The following TOP6BL variants were observed in gnomAD, a reference collection of about 807,000 sequenced individuals.
TOP6BL encodes the protein TOP6B like initiator of meiotic double strand breaks.
At chr11:66,757,511 G>T in the TOP6BL span, among the ~76,000 whole-genome samples, 1 of 152,126 alleles carries the variant, frequency 6.6e-6, no homozygotes, top group African/African-American at 2.4e-5. Flanking sequence ...AATGTTCTCT[G>T]TCTCCTGTTT....
chr11:66,789,129 A>G, the TOP6BL span, among the ~76,000 whole-genome samples: 3 of 152,160 alleles, frequency 2.0e-5, no homozygotes, highest in African/African-American at 7.2e-5. Context: ...CATTTTTTAG[A>G]TCCCAGGTGA....
At chr11:66,776,831 C>T in the TOP6BL span, among the ~76,000 whole-genome samples, 1 of 152,070 alleles carries the variant, frequency 6.6e-6, no homozygotes, top group Non-Finnish European at 1.5e-5. Flanking sequence ...GGGAGGACCA[C>T]TTGACTCTGG....
At chr11:66,821,637 C>A in the TOP6BL span, 2 of 1,599,560 alleles carry the variant, frequency 1.3e-6, no homozygotes, top group African/African-American at 1.3e-5. Flanking sequence ...TTCTCCCTCC[C>A]CTTAGGAGTC....
the TOP6BL span, among the ~76,000 whole-genome samples, chr11:66,783,099 ACT>A: frequency 2.0e-5 from 3 of 152,202 alleles, no homozygotes; most frequent in Non-Finnish European, 4.4e-5. Context: ...TAATCCCAGC[ACT>A]CTGGGAGGTT....
At chr11:66,748,791 A>G in the TOP6BL span, among the ~76,000 whole-genome samples, 4 of 151,826 alleles carry the variant, frequency 2.6e-5, no homozygotes, top group African/African-American at 7.3e-5. Context: ...TCTTGATTTT[A>G]ATCTACTTTG....
chr11:66,843,429 C>G, the TOP6BL span: 3 of 1,390,496 alleles, frequency 2.2e-6, no homozygotes, highest in Non-Finnish European at 2.8e-6. Flanking sequence ...GACTGCGTCA[C>G]TGGTGCGCGC....
At chr11:66,773,837 A>C in the TOP6BL span, among the ~76,000 whole-genome samples, 1 of 151,946 alleles carries the variant, frequency 6.6e-6, no homozygotes, top group South Asian at 2.1e-4. Flanking sequence ...CCCAGGTTCA[A>C]GCGATTCTCC....
At chr11:66,824,420 T>TTTA in the TOP6BL span, among the ~76,000 whole-genome samples, 11,073 of 140,660 alleles carry the variant, frequency 0.079, 471 homozygotes, top group African/African-American at 0.098. Flanking sequence ...TAATTTTGTA[T>TTTA]TTATTATTAT....
At chr11:66,810,458 G>A in the TOP6BL span, among the ~76,000 whole-genome samples, 1 of 152,178 alleles carries the variant, frequency 6.6e-6, no homozygotes, top group African/African-American at 2.4e-5. Context: ...ATTTTGCCAA[G>A]GTTAAGGATG....
At chr11:66,773,166 C>T in the TOP6BL span, among the ~76,000 whole-genome samples, 1 of 152,074 alleles carries the variant, frequency 6.6e-6, no homozygotes, top group Non-Finnish European at 1.5e-5. Flanking sequence ...ACCTCCCTGG[C>T]TCAAGCGATC....
At chr11:66,793,448 T>G in the TOP6BL span, among the ~76,000 whole-genome samples, 5 of 146,578 alleles carry the variant, frequency 3.4e-5, no homozygotes, top group East Asian at 2.0e-4. Context: ...TTTTTTGTTT[T>G]TTTTTTTTTT....
At chr11:66,746,926 C>T in the TOP6BL span, among the ~76,000 whole-genome samples, 1 of 151,990 alleles carries the variant, frequency 6.6e-6, no homozygotes, top group South Asian at 2.1e-4. Flanking sequence ...TTCAATTTGT[C>T]TCGAATAAAT....
chr11:66,828,300 A>G, the TOP6BL span: 1 of 1,613,896 alleles, frequency 6.2e-7, no homozygotes, highest in Non-Finnish European at 8.5e-7. Flanking sequence ...ACCAAACTGC[A>G]CAAAGTATTT....
chr11:66,830,099 A>C, the TOP6BL span, among the ~76,000 whole-genome samples: 2 of 152,244 alleles, frequency 1.3e-5, no homozygotes, highest in Non-Finnish European at 2.9e-5. Flanking sequence ...CCACAGAAGA[A>C]TATGCATTCT....
At chr11:66,801,735 C>T in the TOP6BL span, among the ~76,000 whole-genome samples, 1 of 152,196 alleles carries the variant, frequency 6.6e-6, no homozygotes, top group South Asian at 2.1e-4. Flanking sequence ...ACTTGGGAGG[C>T]CAAAGCATGA....
chr11:66,799,622 G>A, the TOP6BL span, among the ~76,000 whole-genome samples: 1 of 151,916 alleles, frequency 6.6e-6, no homozygotes, highest in African/African-American at 2.4e-5. Context: ...TGAGGCAGGA[G>A]AATTGCTTGA....
the TOP6BL span, chr11:66,758,097 C>T: frequency 1.0e-6 from 1 of 976,448 alleles, no homozygotes; most frequent in South Asian, 4.7e-5. Flanking sequence ...AGATTCTGAA[C>T]TATGAGGTCA....
the TOP6BL span, among the ~76,000 whole-genome samples, chr11:66,836,791 C>T: frequency 1.3e-5 from 2 of 148,500 alleles, no homozygotes; most frequent in African/African-American, 5.0e-5. Flanking sequence ...ACCTCTACCT[C>T]CCGGGTTCAA....
chr11:66,754,344 TTCTC>T, the TOP6BL span, among the ~76,000 whole-genome samples: 1 of 152,172 alleles, frequency 6.6e-6, no homozygotes, highest in East Asian at 1.9e-4. Flanking sequence ...TTAAAATCGT[TTCTC>T]TCATAATTTT....
Sources: allele counts gnomAD v4.1 joint callset (sites outside exome capture counted in the v4.1 genomes callset), GRCh38; gene constraint gnomAD v4.1.1; transcripts MANE v1.5; gene names NCBI Gene and HGNC (gene_info 2026-07-23, HGNC 2026-07-21).